The following XKR4 variants were observed in gnomAD, a reference collection of about 807,000 sequenced individuals.
XKR4 encodes the protein XK-related protein 4.
A neutral mutation model predicts 53.9 loss-of-function variants in XKR4; 12 were observed. The ratio of observed to expected loss-of-function variants is 0.22; its 90% CI spans 0.14 to 0.36. The LOEUF is 0.36. Among genes scored for constraint, XKR4 ranks in the 10% least tolerant of loss-of-function variants. XKR4 has a pLI of 1.00. For synonymous variants in XKR4, 354 were observed against 362.4 expected (o/e 0.98, Z 0.26); for missense variants, 799 against 859.5 (o/e 0.93, Z 0.88).
intron 1 of XKR4, among the ~76,000 whole-genome samples, chr8:55,267,000 T>G (rs998006838): frequency 6.6e-6 from 1 of 152,054 alleles, no homozygotes. Context: ...AATGACAAGA[T>G]CAAAGATCAG....
chr8:55,472,853 A>G (rs1253374818), intron 2 of XKR4, among the ~76,000 whole-genome samples: 1 of 152,088 alleles, frequency 6.6e-6, no homozygotes, highest in Non-Finnish European at 1.5e-5. Flanking sequence ...GCTTTGCACT[A>G]TTACTTGGTT....
chr8:55,182,166 T>C (rs1817319391), intron 1 of XKR4, among the ~76,000 whole-genome samples: 2 of 152,194 alleles, frequency 1.3e-5, no homozygotes, highest in African/African-American at 4.8e-5. Flanking sequence ...TGTTTTTTTT[T>C]AATTGAATAT....
intron 1 of XKR4, among the ~76,000 whole-genome samples, chr8:55,340,802 T>G (rs1023330523): frequency 6.6e-6 from 1 of 152,148 alleles, no homozygotes; most frequent in African/African-American, 2.4e-5. Flanking sequence ...TTGGATTTGG[T>G]CATGCCTTTT....
At position 55,184,712 on chromosome 8, in the gene XKR4, T is replaced by A. The variant is rs1817354502; in HGVS notation, c.806+81418T>A. On this transcript the variant is annotated intron_variant, in intron 1 of 2. Transcript: ENST00000327381. ...AGGGTGGTGATGATCTCAGTGATAA[T>A]TTTGGTAAACATTAGTCACCTTTAC... is the stretch of plus-strand genomic sequence containing the variant. Among the ~76,000 whole-genome samples, 3 of 152,206 alleles carry A rather than the reference T, an allele frequency of 2.0e-5. No homozygotes were observed. In the South Asian group the frequency reaches 6.2e-4, roughly 31 times the overall value.
intron 2 of XKR4, among the ~76,000 whole-genome samples, chr8:55,382,450 G>T (rs1376378399): frequency 1.3e-5 from 2 of 152,214 alleles, no homozygotes; most frequent in Non-Finnish European, 2.9e-5. Context: ...GGGCCGATAT[G>T]GCTGAGGTGG....
intron 2 of XKR4, among the ~76,000 whole-genome samples, chr8:55,362,747 G>A (rs974311504): frequency 2.0e-5 from 3 of 152,168 alleles, no homozygotes; most frequent in African/African-American, 7.2e-5. Flanking sequence ...TATTTTGGTT[G>A]CACAGACCCA....
chr8:55,384,295 A>AT (rs1356417114), intron 2 of XKR4, among the ~76,000 whole-genome samples: 3 of 152,210 alleles, frequency 2.0e-5, no homozygotes, highest in Non-Finnish European at 4.4e-5. Flanking sequence ...CAGGAAAAAC[A>AT]TTTTTTCACT....
At chr8:55,417,045 C>T (rs1804862439) in intron 2 of XKR4, among the ~76,000 whole-genome samples, 1 of 152,196 alleles carries the variant, frequency 6.6e-6, no homozygotes, top group East Asian at 1.9e-4. Flanking sequence ...CCAATTATAT[C>T]AGTACCTCTG....
At chr8:55,188,197 C>G (rs1160373879) in intron 1 of XKR4, among the ~76,000 whole-genome samples, 1 of 152,094 alleles carries the variant, frequency 6.6e-6, no homozygotes, top group East Asian at 1.9e-4. Context: ...TATGAAACAC[C>G]TCTTGCAACT....
chr8:55,254,671 A>G (rs978991414), intron 1 of XKR4, among the ~76,000 whole-genome samples: 16 of 152,142 alleles, frequency 1.1e-4, no homozygotes, highest in Admixed American at 2.0e-4. Flanking sequence ...CTGGGGAACG[A>G]TATGCCAAAC....
chr8:55,504,080 G>A (rs1290733832), intron 2 of XKR4, among the ~76,000 whole-genome samples: 6 of 152,016 alleles, frequency 3.9e-5, no homozygotes, highest in Admixed American at 1.3e-4. Flanking sequence ...TACAAAATCC[G>A]TTTAATATGC....
chr8:55,173,620 C>G (rs1817192687), intron 1 of XKR4, among the ~76,000 whole-genome samples: 1 of 152,142 alleles, frequency 6.6e-6, no homozygotes, highest in South Asian at 2.1e-4. Flanking sequence ...ACCCCACTGC[C>G]TAGCACAGTG....
intron 2 of XKR4, among the ~76,000 whole-genome samples, chr8:55,386,242 G>A (rs1804313329): frequency 1.3e-5 from 2 of 152,140 alleles, no homozygotes; most frequent in South Asian, 2.1e-4. Flanking sequence ...TCACCACCTC[G>A]TGAGTTCCTG....
At chr8:55,478,404 A>G (rs568869140) in intron 2 of XKR4, among the ~76,000 whole-genome samples, 2 of 152,220 alleles carry the variant, frequency 1.3e-5, no homozygotes, top group African/African-American at 2.4e-5. Flanking sequence ...AGGAAGCACT[A>G]AACATGGAAA....
chr8:55,360,718 T>C (rs189039750), intron 2 of XKR4, among the ~76,000 whole-genome samples: 4 of 152,180 alleles, frequency 2.6e-5, no homozygotes, highest in African/African-American at 9.7e-5. Flanking sequence ...ATTTCAACCA[T>C]CCACCACTCT....
At chr8:55,254,729 T>C (rs1818410494) in intron 1 of XKR4, among the ~76,000 whole-genome samples, 1 of 152,094 alleles carries the variant, frequency 6.6e-6, no homozygotes, top group African/African-American at 2.4e-5. Flanking sequence ...CAGCCTGTCA[T>C]TTCACCTCCC....
At chr8:55,427,511 C>G (rs1238352567) in intron 2 of XKR4, among the ~76,000 whole-genome samples, 1 of 152,180 alleles carries the variant, frequency 6.6e-6, no homozygotes, top group African/African-American at 2.4e-5. Context: ...ACATCTGACC[C>G]TGGAACCAGT....
intron 2 of XKR4, among the ~76,000 whole-genome samples, chr8:55,484,116 T>C (rs866878949): frequency 1.3e-5 from 2 of 152,096 alleles, no homozygotes; most frequent in African/African-American, 2.4e-5. Context: ...ACACATAAGC[T>C]ACCCCAACTC....
Position 55,448,324 on chromosome 8 carries a change from G to C in XKR4, c.1007-74957G>C, listed in dbSNP as rs142701044. Among the ~76,000 whole-genome samples the C allele has an allele frequency of 9.7e-4, 147 of 152,270 alleles. 3 individuals are homozygous for C. In the East Asian group the frequency reaches 0.021, roughly 22 times the overall value. On this transcript the variant is annotated intron_variant, in intron 2 of 2. Coordinates refer to ENST00000327381, the MANE Select transcript of XKR4 (RefSeq NM_052898.2). ...AGAGAACAAGATGCGGTGTGCACAA[G>C]TACCAATCAATGAAATGAAAAACAC...
Sources: allele counts gnomAD v4.1 joint callset (sites outside exome capture counted in the v4.1 genomes callset), GRCh38; gene constraint gnomAD v4.1.1; transcripts MANE v1.5; gene names NCBI Gene and HGNC (gene_info 2026-07-23, HGNC 2026-07-21).